Variants in PSD2 observed in about 807,000 individuals in gnomAD.
PSD2 encodes the protein PH and SEC7 domain-containing protein 2.
In PSD2, 38 loss-of-function variants were observed where a neutral mutation model predicts 69.8. That is an observed-to-expected ratio of 0.54 (90% CI 0.42 to 0.71). The LOEUF is 0.71. PSD2 is among the 30% of genes least tolerant of loss of function. PSD2 has a pLI of 0.00. For synonymous variants in PSD2, 412 were observed against 423.0 expected (o/e 0.97, Z 0.32); for missense variants, 943 against 1,014.5 (o/e 0.93, Z 0.96).
At chr5:139,840,690 A>G (rs1186311830) in intron 14 of PSD2, among the ~76,000 whole-genome samples, 2 of 151,600 alleles carry the variant, frequency 1.3e-5, no homozygotes, top group Non-Finnish European at 2.9e-5. Context: ...AACTGGGATT[A>G]CAGGCACATG....
chr5:139,755,054 G>A, the PSD2 span, among the ~76,000 whole-genome samples: 1 of 152,208 alleles, frequency 6.6e-6, no homozygotes, highest in Non-Finnish European at 1.5e-5. Context: ...AGACAGTCCC[G>A]TAGGGGAGGA....
chr5:139,807,212 A>G (rs1258931176), intron 1 of PSD2, among the ~76,000 whole-genome samples: 2 of 152,160 alleles, frequency 1.3e-5, no homozygotes, highest in Non-Finnish European at 2.9e-5. Context: ...GGGGAGCTTG[A>G]GTCATCCTGG....
chr5:139,820,179 G>T (rs1454451513), intron 5 of PSD2, among the ~76,000 whole-genome samples: 1 of 152,188 alleles, frequency 6.6e-6, no homozygotes, highest in Admixed American at 6.5e-5. Flanking sequence ...GTTTGGTGGT[G>T]GCGGCACGGG....
In PSD2 at chr5:139,831,591, T is replaced by A. The variant is rs1018439456; in HGVS notation, c.1270-2111T>A. Among the ~76,000 whole-genome samples the A allele has an allele frequency of 2.6e-5, 4 of 152,248 alleles. No homozygotes were observed. In the South Asian group the frequency reaches 6.2e-4, roughly 24 times the overall value. ...GTTGGCAATTTGCATTCTTGACTTA[T>A]AAAGTACTTGTACCACTTCCTGGGC... On this transcript the variant is annotated intron_variant, in intron 7 of 14. Transcript: ENST00000274710.
chr5:139,838,560 G>A (rs1343882150), intron 12 of PSD2, 68 bp from the exon 13 acceptor site: 16 of 1,554,648 alleles, frequency 1.0e-5, no homozygotes, highest in African/African-American at 6.8e-5. Flanking sequence ...TGCTGGGTAC[G>A]GGATGCTGAG....
chr5:139,762,772 C>A, the PSD2 span, among the ~76,000 whole-genome samples: 1 of 152,148 alleles, frequency 6.6e-6, no homozygotes, highest in Admixed American at 6.5e-5. Context: ...AGAGCCAGCC[C>A]CCTTTCCTGC....
chr5:139,793,397 G>A (rs369528791), upstream of PSD2, among the ~76,000 whole-genome samples: 6 of 152,332 alleles, frequency 3.9e-5, no homozygotes, highest in South Asian at 1.2e-3. Flanking sequence ...TCCACTTGAC[G>A]GAGGGGAAAG....
chr5:139,828,174 A>G (rs930558875), intron 7 of PSD2, among the ~76,000 whole-genome samples: 1 of 152,056 alleles, frequency 6.6e-6, no homozygotes, highest in Non-Finnish European at 1.5e-5. Flanking sequence ...GGAGACGGAG[A>G]CCAGGAGAGA....
At chr5:139,817,693 A>AG in intron 5 of PSD2, 132 bp downstream of exon 5, 1 of 728,498 alleles carries the variant, frequency 1.4e-6, no homozygotes, top group Admixed American at 2.6e-5. Context: ...GCTGTGGGGA[A>AG]GGGGCCACAG....
the PSD2 span, among the ~76,000 whole-genome samples, chr5:139,755,654 T>TGTGTGTGTGTGCGC: frequency 6.6e-6 from 1 of 151,646 alleles, no homozygotes; most frequent in East Asian, 1.9e-4. Context: ...TGTGTGTGTG[T>TGTGTGTGTGTGCGC]GTGTGTGTGT....
chr5:139,838,800 C>T, intron 13 of PSD2, 28 bp downstream of exon 13: 1 of 1,598,278 alleles, frequency 6.3e-7, no homozygotes. Flanking sequence ...AACATTTTGC[C>T]TCCCCAGGCT....
chr5:139,776,629 G>A, the PSD2 span, among the ~76,000 whole-genome samples: 119 of 151,252 alleles, frequency 7.9e-4, no homozygotes, highest in African/African-American at 2.2e-3. Flanking sequence ...AGACATGGTC[G>A]CAGAGCTCCC....
At chr5:139,768,691 C>G in the PSD2 span, among the ~76,000 whole-genome samples, 3 of 151,504 alleles carry the variant, frequency 2.0e-5, no homozygotes, top group Admixed American at 1.3e-4. Flanking sequence ...CCATTGCACT[C>G]CAGCCTGGGC....
the PSD2 span, among the ~76,000 whole-genome samples, chr5:139,766,924 C>CTTTCTTTCTTTCTTT: frequency 3.0e-5 from 1 of 33,140 alleles, no homozygotes; most frequent in Admixed American, 3.9e-4. Flanking sequence ...TTCCTTCCTT[C>CTTTCTTTCTTTCTTT]CTTCCCTTCT....
At chr5:139,752,925 A>C in the PSD2 span, among the ~76,000 whole-genome samples, 1 of 149,276 alleles carries the variant, frequency 6.7e-6, no homozygotes, top group Admixed American at 6.7e-5. Context: ...CCAGTCTTTG[A>C]CCAACCCCTC....
Position 139,818,739 on chromosome 5 carries a change from G to C in PSD2, c.1097+1178G>C, listed in dbSNP as rs114128959. On this transcript the variant is annotated intron_variant, in intron 5 of 14. Transcript: ENST00000274710. ...CTGAATTGCAAAATCAGACCTTGGC[G>C]ATCACCTTGAGCAGTAGGATATAAA... 2.2e-3 allele frequency among the ~76,000 whole-genome samples: 340 copies of C among 152,158 alleles called. 1 individual carries two copies. Among genetic ancestry groups the C allele is most frequent in the African/African-American group, 7.8e-3 (322 of 41,494 alleles).
At chr5:139,831,952 C>T (rs900690975) in intron 7 of PSD2, among the ~76,000 whole-genome samples, 4 of 152,172 alleles carry the variant, frequency 2.6e-5, no homozygotes, top group African/African-American at 9.7e-5. Context: ...TCCTAAGAGG[C>T]CACTTAGCCG....
the PSD2 span, among the ~76,000 whole-genome samples, chr5:139,786,741 C>G: frequency 6.6e-6 from 1 of 152,042 alleles, no homozygotes; most frequent in Admixed American, 6.6e-5. Context: ...GCTTGTACTG[C>G]ACTGTTGGAA....
At chr5:139,813,223 G>T in intron 2 of PSD2, 86 bp from the exon 3 acceptor site, 1 of 1,138,066 alleles carries the variant, frequency 8.8e-7, no homozygotes. Flanking sequence ...CCCCCAGGGG[G>T]CTCCCAGACA....
Sources: allele counts gnomAD v4.1 joint callset (sites outside exome capture counted in the v4.1 genomes callset), GRCh38; gene constraint gnomAD v4.1.1; transcripts MANE v1.5; gene names NCBI Gene and HGNC (gene_info 2026-07-23, HGNC 2026-07-21).